The following NCOA7 variants were observed in gnomAD, a reference collection of about 807,000 sequenced individuals.
NCOA7 encodes nuclear receptor coactivator 7.
In NCOA7, 45 loss-of-function variants were observed where a neutral mutation model predicts 104.3. The ratio of observed to expected loss-of-function variants is 0.43; its 90% CI spans 0.34 to 0.55. The LOEUF (loss-of-function observed/expected upper bound fraction) is 0.55. NCOA7 is among the 20% of genes least tolerant of loss of function. NCOA7 has a pLI of 0.02. For synonymous variants in NCOA7, 398 were observed against 402.3 expected, an observed-to-expected ratio of 0.99 and a Z score of 0.13; for missense variants, 1,041 against 1,119.7, an observed-to-expected ratio of 0.93 and a Z score of 1.00.
upstream of NCOA7, among the ~76,000 whole-genome samples, chr6:125,788,534 G>A (rs1774573758): frequency 6.7e-6 from 1 of 149,472 alleles, no homozygotes; most frequent in Admixed American, 6.6e-5. Flanking sequence ...AATATCTTTG[G>A]AAGACCTTTT....
At chr6:125,797,063 G>A (rs991990975) in intron 1 of NCOA7, among the ~76,000 whole-genome samples, 3 of 152,146 alleles carry the variant, frequency 2.0e-5, no homozygotes, top group Non-Finnish European at 2.9e-5. Context: ...CACTCATCTG[G>A]GAGAGTGTCT....
At chr6:125,899,207 A>G (rs1785287972) in intron 10 of NCOA7, among the ~76,000 whole-genome samples, 1 of 152,228 alleles carries the variant, frequency 6.6e-6, no homozygotes, top group South Asian at 2.1e-4. Flanking sequence ...CTTCATGAAG[A>G]CAGCAAAATG....
chr6:125,920,046 T>C (rs953689205), intron 11 of NCOA7, among the ~76,000 whole-genome samples: 1 of 152,236 alleles, frequency 6.6e-6, no homozygotes, highest in Admixed American at 6.5e-5. Flanking sequence ...TCCAGTGATT[T>C]ATCCATAATT....
In NCOA7 at chr6:125,889,082, C is replaced by T. The variant is rs775596532; in HGVS notation, c.1028C>T (p.Ser343Leu). The T allele has an allele frequency of 8.1e-6, 13 of 1,613,942 alleles. No individual in the cohort carries two copies. The highest frequency in any genetic ancestry group is 1.7e-5 in the Admixed American group (1 of 59,984). The part of the protein sequence containing the change: ...RQQNGEKIMT[S>L]DSRPIVPLEK... ...CAGAATGGAGAGAAAATTATGACTT[C>T]GGATTCCAGACCAATAGTACCTTTG... The change falls in exon 9 of 16, where the codon TCG becomes TTG. Residue 343 changes from serine to leucine, a missense_variant. Ser to Leu is a moderately radical substitution (Grantham distance 145, BLOSUM62 -2). Coordinates refer to ENST00000392477, the MANE Select transcript of NCOA7 (RefSeq NM_181782.5).
At chr6:125,853,598 C>T (rs1781306529) in intron 2 of NCOA7, among the ~76,000 whole-genome samples, 1 of 152,092 alleles carries the variant, frequency 6.6e-6, no homozygotes, top group African/African-American at 2.4e-5. Flanking sequence ...AAATAATAGC[C>T]TAATTAAAAT....
At chr6:125,817,979 C>T (rs1169448553) in intron 2 of NCOA7, among the ~76,000 whole-genome samples, 2 of 151,788 alleles carry the variant, frequency 1.3e-5, no homozygotes, top group Admixed American at 1.3e-4. Context: ...CCCTTCCTCC[C>T]CGTCTCCCTT....
intron 2 of NCOA7, among the ~76,000 whole-genome samples, chr6:125,852,452 C>T (rs918450803): frequency 4.6e-5 from 7 of 152,116 alleles, no homozygotes; most frequent in Admixed American, 2.0e-4. Context: ...CTTAGGCCTC[C>T]CAAAGTGCTG....
At chr6:125,868,466 C>T (rs763550092) in intron 3 of NCOA7, among the ~76,000 whole-genome samples, 9 of 152,164 alleles carry the variant, frequency 5.9e-5, no homozygotes, top group African/African-American at 1.7e-4. Context: ...ACAGCTAAAC[C>T]GTTGCACAAA....
At chr6:125,853,544 G>A (rs898255958) in intron 2 of NCOA7, among the ~76,000 whole-genome samples, 1 of 152,074 alleles carries the variant, frequency 6.6e-6, no homozygotes, top group African/African-American at 2.4e-5. Context: ...ATACTAATTT[G>A]TTAGCCAATG....
intron 2 of NCOA7, among the ~76,000 whole-genome samples, chr6:125,828,556 T>C (rs1234947927): frequency 6.6e-6 from 1 of 152,080 alleles, no homozygotes; most frequent in Non-Finnish European, 1.5e-5. Flanking sequence ...TTTTTGAAGA[T>C]GGAAGAGGAA....
intron 1 of NCOA7, among the ~76,000 whole-genome samples, chr6:125,802,152 G>A (rs1334140968): frequency 6.6e-6 from 1 of 152,088 alleles, no homozygotes; most frequent in Non-Finnish European, 1.5e-5. Flanking sequence ...ACAATAATAT[G>A]TACTATGTGG....
chr6:125,922,534 A>C, intron 12 of NCOA7, 148 bp from the exon 13 acceptor site: 1 of 925,088 alleles, frequency 1.1e-6, no homozygotes, highest in South Asian at 1.7e-5. Context: ...TTCTTGGTTT[A>C]GAATAGCAAA....
intron 1 of NCOA7, among the ~76,000 whole-genome samples, chr6:125,792,790 G>A (rs1245660398): frequency 6.7e-6 from 1 of 150,060 alleles, no homozygotes; most frequent in Non-Finnish European, 1.5e-5. Context: ...AAAAAAAAAA[G>A]AAAAACAAGG....
Position 125,840,868 on chromosome 6 carries a change from G to GTTTTTTTTTTTTTTTTTTTTTTTTT in NCOA7, c.51-14134_51-14110dup, listed in dbSNP as rs57168444. Reference sequence around the variant, plus strand: ...TTTTATGGTTTTTTTTGTTTGGTTGGTTTTTTTTTTTTTTTTTTTTTTTTT... The same window carrying GTTTTTTTTTTTTTTTTTTTTTTTTT: ...TTTTATGGTTTTTTTTGTTTGGTTGGTTTTTTTTTTTTTTTTTTTTTTTTTTTTTTTTTTTTTTTTTTTTTTTTTT... On this transcript the variant is annotated intron_variant, in intron 2 of 15. Coordinates refer to ENST00000392477, the MANE Select transcript of NCOA7 (RefSeq NM_181782.5). 2.5e-4 allele frequency among the ~76,000 whole-genome samples: 10 copies of GTTTTTTTTTTTTTTTTTTTTTTTTT among 40,376 alleles called. 3 individuals are homozygous for GTTTTTTTTTTTTTTTTTTTTTTTTT. Among genetic ancestry groups the GTTTTTTTTTTTTTTTTTTTTTTTTT allele is most frequent in the East Asian group, 7.4e-4 (1 of 1,358 alleles). The allele number at this position is 40,376 out of a possible 152,430, so 26.5% of individuals were successfully genotyped here.
At chr6:125,855,828 T>C (rs9491518) in intron 3 of NCOA7, among the ~76,000 whole-genome samples, 3,610 of 151,986 alleles carry the variant, frequency 0.024, 145 homozygotes, top group African/African-American at 0.08. Flanking sequence ...GGATTACAGG[T>C]GCCCACCACC....
intron 13 of NCOA7, 110 bp from the exon 14 acceptor site, chr6:125,927,553 A>G (rs1788143142): frequency 7.6e-6 from 6 of 792,726 alleles, no homozygotes; most frequent in Admixed American, 6.6e-5. Context: ...TTTAGTAATA[A>G]TCTTTGCTGA....
At chr6:125,832,333 C>T (rs9491508) in intron 2 of NCOA7, among the ~76,000 whole-genome samples, 5,491 of 152,194 alleles carry the variant, frequency 0.036, 328 homozygotes, top group African/African-American at 0.12. Flanking sequence ...ACATTTTGTG[C>T]GCTAAACCTG....
At chr6:125,922,915 C>T in intron 13 of NCOA7, 81 bp downstream of exon 13, 1 of 1,258,376 alleles carries the variant, frequency 7.9e-7, no homozygotes, top group Non-Finnish European at 1.1e-6. Context: ...GTACCATATA[C>T]TTCCATCACC....
At chr6:125,847,447 AC>A (rs1270225648) in intron 2 of NCOA7, among the ~76,000 whole-genome samples, 12 of 152,232 alleles carry the variant, frequency 7.9e-5, no homozygotes, top group Non-Finnish European at 1.6e-4. Flanking sequence ...GCAATGCCAT[AC>A]AAGGTATTTA....
Sources: allele counts gnomAD v4.1 joint callset (sites outside exome capture counted in the v4.1 genomes callset), GRCh38; gene constraint gnomAD v4.1.1; transcripts MANE v1.5; gene names NCBI Gene and HGNC (gene_info 2026-07-23, HGNC 2026-07-21).